The following PCDH11X variants were observed in gnomAD, a reference collection of about 807,000 sequenced individuals.
PCDH11X encodes protocadherin 11 X-linked, also known as protocadherin-11 X-linked.
In PCDH11X, 18 loss-of-function variants were observed where a neutral mutation model predicts 53.3. That is an observed-to-expected ratio of 0.34 (90% CI 0.23 to 0.50). The LOEUF (loss-of-function observed/expected upper bound fraction) is 0.50, where lower values mean the gene tolerates loss of function less well. Among genes scored for constraint, PCDH11X ranks in the 20% least tolerant of loss-of-function variants. The pLI, the probability that PCDH11X is intolerant of heterozygous loss-of-function variation, is 0.98. For synonymous variants in PCDH11X, 279 were observed against 393.3 expected (o/e 0.71, Z 3.44); for missense variants, 570 against 1,032.4 (o/e 0.55, Z 6.14).
At chrX:92,593,138 T>C (rs1162050683) in intron 10 of PCDH11X, among the ~76,000 whole-genome samples, 1 of 110,625 alleles carries the variant, frequency 9.0e-6, no homozygotes, top group Non-Finnish European at 1.9e-5. Flanking sequence ...AGTTTATACA[T>C]TTGGTGTAAA....
intron 9 of PCDH11X, among the ~76,000 whole-genome samples, chrX:92,451,937 A>G (rs1230503727): frequency 1.8e-5 from 2 of 108,278 alleles, no homozygotes; most frequent in Non-Finnish European, 3.8e-5. Flanking sequence ...TTCATCTACT[A>G]TACATCATCA....
intron 6 of PCDH11X, among the ~76,000 whole-genome samples, chrX:92,200,456 G>A (rs900294137): frequency 3.8e-4 from 43 of 111,775 alleles, no homozygotes; most frequent in African/African-American, 1.4e-3. Context: ...AAAAGAAAAT[G>A]GATATATCAA....
At chrX:92,143,358 G>C (rs1212789282) in intron 6 of PCDH11X, among the ~76,000 whole-genome samples, 2 of 112,048 alleles carry the variant, frequency 1.8e-5, no homozygotes, top group African/African-American at 6.5e-5. Flanking sequence ...CCCATCACAG[G>C]CCCAGAGGCC....
intron 10 of PCDH11X, among the ~76,000 whole-genome samples, chrX:92,537,946 G>A (rs188119498): frequency 0.018 from 1,826 of 103,841 alleles, 52 homozygotes; most frequent in African/African-American, 0.06. Context: ...TGCAAACAAA[G>A]GTAATTTGAA....
At chrX:92,600,886 G>C (rs2556801) in intron 10 of PCDH11X, among the ~76,000 whole-genome samples, 12,376 of 92,591 alleles carry the variant, frequency 0.13, 1,369 homozygotes, top group African/African-American at 0.19. Flanking sequence ...TCAGTGTGAC[G>C]TGGATGTGAA....
chrX:92,282,225 A>T (rs945958350), intron 8 of PCDH11X, among the ~76,000 whole-genome samples: 1 of 111,661 alleles, frequency 9.0e-6, no homozygotes, highest in Non-Finnish European at 1.9e-5. Flanking sequence ...AAAATAGCTA[A>T]TAAATGACTA....
chrX:91,918,117 C>T (rs1283420126), intron 6 of PCDH11X, among the ~76,000 whole-genome samples: 27 of 105,430 alleles, frequency 2.6e-4, no homozygotes, highest in Non-Finnish European at 4.9e-4. Flanking sequence ...TTGGAAGTTG[C>T]GTAATAAATT....
chrX:91,889,773 T>C (rs1267665244), intron 6 of PCDH11X, among the ~76,000 whole-genome samples: 1 of 108,846 alleles, frequency 9.2e-6, no homozygotes, highest in African/African-American at 3.3e-5. Flanking sequence ...GACAGAATTA[T>C]TTGACTACAT....
intron 9 of PCDH11X, among the ~76,000 whole-genome samples, chrX:92,426,054 C>G (rs2072102842): frequency 1.1e-5 from 1 of 88,105 alleles, no homozygotes; most frequent in Non-Finnish European, 2.2e-5. Flanking sequence ...CTAGTAGGTT[C>G]AAGATGGAAA....
chrX:92,382,969 G>C, intron 8 of PCDH11X, among the ~76,000 whole-genome samples: 1 of 110,761 alleles, frequency 9.0e-6, no homozygotes, highest in Non-Finnish European at 1.9e-5. Context: ...TAGCCTTCCA[G>C]ATCAGAGGTC....
intron 6 of PCDH11X, among the ~76,000 whole-genome samples, chrX:92,180,362 A>C (rs2065975230): frequency 1.8e-5 from 2 of 109,241 alleles, no homozygotes; most frequent in African/African-American, 6.7e-5. Flanking sequence ...AAACCATATC[A>C]CTCTCTTAAT....
At chrX:92,114,849 T>C (rs757146728) in intron 6 of PCDH11X, among the ~76,000 whole-genome samples, 148 of 111,025 alleles carry the variant, frequency 1.3e-3, no homozygotes, top group Middle Eastern at 4.6e-3. Flanking sequence ...TATTTATTTT[T>C]GAGACGGAGT....
At chrX:92,608,513 TTCTTA>T (rs753788393) in intron 10 of PCDH11X, among the ~76,000 whole-genome samples, 4 of 110,592 alleles carry the variant, frequency 3.6e-5, no homozygotes, top group Non-Finnish European at 7.6e-5. Flanking sequence ...ATAAATGATA[TTCTTA>T]TCTTTTTAAA....
intron 6 of PCDH11X, among the ~76,000 whole-genome samples, chrX:92,105,631 A>T (rs1170392257): frequency 1.8e-4 from 15 of 85,342 alleles, no homozygotes; most frequent in African/African-American, 6.4e-4. Flanking sequence ...GGCGGGTAGG[A>T]GTGGGGGTCG....
At chrX:92,465,363 A>G (rs1276811005) in intron 9 of PCDH11X, among the ~76,000 whole-genome samples, 1 of 111,899 alleles carries the variant, frequency 8.9e-6, no homozygotes, top group Non-Finnish European at 1.9e-5. Context: ...ATTTCTAAAC[A>G]AATGTCTTTG....
chrX:91,919,208 G>A (rs1453012104), intron 6 of PCDH11X, among the ~76,000 whole-genome samples: 13 of 111,180 alleles, frequency 1.2e-4, no homozygotes, highest in Non-Finnish European at 2.3e-4. Flanking sequence ...ATAATGAGCT[G>A]TTCTCAGGTG....
chrX:92,198,820 A>G (rs2066341868), intron 6 of PCDH11X, among the ~76,000 whole-genome samples: 3 of 111,358 alleles, frequency 2.7e-5, no homozygotes, highest in African/African-American at 9.8e-5. Flanking sequence ...CACTTCTGTG[A>G]ATTGGAATTT....
chrX:92,119,094 T>A (rs1454566628), intron 6 of PCDH11X, among the ~76,000 whole-genome samples: 2 of 109,650 alleles, frequency 1.8e-5, no homozygotes, highest in Non-Finnish European at 3.8e-5. Context: ...TTTTTAATTT[T>A]AATTTTTTAA....
intron 6 of PCDH11X, among the ~76,000 whole-genome samples, chrX:92,082,113 C>T (rs2759926): frequency 3.6e-5 from 4 of 111,205 alleles, no homozygotes; most frequent in African/African-American, 9.8e-5. Context: ...AAGCCAAGAC[C>T]GAAACCCAGG....
Sources: allele counts gnomAD v4.1 joint callset (sites outside exome capture counted in the v4.1 genomes callset), GRCh38; gene constraint gnomAD v4.1.1; transcripts MANE v1.5; gene names NCBI Gene and HGNC (gene_info 2026-07-23, HGNC 2026-07-21).